Variants in RAB3C observed in about 807,000 individuals in gnomAD.
RAB3C encodes the protein RAB3C, member RAS oncogene family.
A neutral mutation model predicts 26.4 loss-of-function variants in RAB3C; 17 were observed. That is an observed-to-expected ratio of 0.64 (90% confidence interval 0.44 to 0.97). The LOEUF is 0.97. RAB3C is among the 50% of genes least tolerant of loss of function. The pLI is 0.00. For missense variants in RAB3C, 242 were observed against 281.9 expected, an observed-to-expected ratio of 0.86 and a Z score of 1.01; for synonymous variants, 91 against 95.9, an observed-to-expected ratio of 0.95 and a Z score of 0.30.
At chr5:58,629,288 A>G (rs908980536) in intron 2 of RAB3C, among the ~76,000 whole-genome samples, 6 of 152,038 alleles carry the variant, frequency 3.9e-5, no homozygotes, top group African/African-American at 1.5e-4. Context: ...GGAGGGTAGT[A>G]TAGACGCCCC....
chr5:58,672,227 A>C (rs560609893), intron 2 of RAB3C, among the ~76,000 whole-genome samples: 1 of 152,304 alleles, frequency 6.6e-6, no homozygotes, highest in African/African-American at 2.4e-5. Flanking sequence ...GGAAGGACCC[A>C]AGAACTGCAG....
chr5:58,586,402 G>C (rs926894398), intron 1 of RAB3C, among the ~76,000 whole-genome samples: 1 of 152,012 alleles, frequency 6.6e-6, no homozygotes, highest in African/African-American at 2.4e-5. Context: ...TAAAGAATGA[G>C]ACAACTATTG....
intron 2 of RAB3C, among the ~76,000 whole-genome samples, chr5:58,656,761 A>G (rs1747780864): frequency 6.6e-6 from 1 of 152,186 alleles, no homozygotes; most frequent in South Asian, 2.1e-4. Flanking sequence ...TCCCTTTAGA[A>G]TGAGTGGTCA....
chr5:58,723,821 A>C (rs1319417150), intron 2 of RAB3C, among the ~76,000 whole-genome samples: 1 of 151,844 alleles, frequency 6.6e-6, no homozygotes, highest in African/African-American at 2.4e-5. Flanking sequence ...GAGAGTCCAG[A>C]TTGATGTCAG....
At chr5:58,638,752 G>A (rs960946034) in intron 2 of RAB3C, among the ~76,000 whole-genome samples, 2 of 152,204 alleles carry the variant, frequency 1.3e-5, no homozygotes, top group African/African-American at 4.8e-5. Flanking sequence ...ATGGATCACT[G>A]TTAGAAGCTC....
chr5:58,620,496 G>A (rs978072485), intron 2 of RAB3C, among the ~76,000 whole-genome samples: 2 of 152,178 alleles, frequency 1.3e-5, no homozygotes, highest in Non-Finnish European at 2.9e-5. Flanking sequence ...GGATAATTAT[G>A]TACTTCTATA....
Position 58,853,083 on chromosome 5 carries a change from TCAG to T in RAB3C, c.*1733_*1735del, listed in dbSNP as rs1249586341. 1 of 152,206 alleles carries T rather than the reference TCAG, an allele frequency of 6.6e-6. No individual in the cohort carries two copies. Among genetic ancestry groups the T allele is most frequent in the Non-Finnish European group, 1.5e-5 (1 of 68,036 alleles). 9.4% of individuals were successfully genotyped at this position (152,206 alleles called of 1,614,324 possible). A position where few individuals can be genotyped will look rare whatever the true frequency, so the allele number is the denominator to read the frequency against. On this transcript the variant is annotated 3_prime_UTR_variant, in exon 5 of 5. Coordinates refer to ENST00000282878, the MANE Select transcript of RAB3C (RefSeq NM_138453.4). Reference sequence around the variant, plus strand: ...ACCTTCCTAGTTGAAGATCCACTAATCAGTAGTACATTTCTACTTTGGTGCCCT... The same window carrying T: ...ACCTTCCTAGTTGAAGATCCACTAATTAGTACATTTCTACTTTGGTGCCCT...
At chr5:58,767,915 T>C (rs1446116720) in intron 3 of RAB3C, among the ~76,000 whole-genome samples, 1 of 151,894 alleles carries the variant, frequency 6.6e-6, no homozygotes, top group Non-Finnish European at 1.5e-5. Context: ...TGTGATAGAG[T>C]GTCCAAGAGG....
chr5:58,623,942 G>T (rs965683146), intron 2 of RAB3C, among the ~76,000 whole-genome samples: 1 of 152,028 alleles, frequency 6.6e-6, no homozygotes, highest in Non-Finnish European at 1.5e-5. Flanking sequence ...TTTATGTAGT[G>T]GGGGGAAATA....
intron 2 of RAB3C, among the ~76,000 whole-genome samples, chr5:58,657,806 T>C (rs1747814277): frequency 6.6e-6 from 1 of 151,946 alleles, no homozygotes; most frequent in African/African-American, 2.4e-5. Context: ...CTTAGTTTTA[T>C]CCCCCCTAAA....
chr5:58,739,840 A>G (rs1196173085), intron 3 of RAB3C, among the ~76,000 whole-genome samples: 1 of 152,214 alleles, frequency 6.6e-6, no homozygotes, highest in African/African-American at 2.4e-5. Context: ...ATTGTATCCT[A>G]CAACCTAATT....
intron 2 of RAB3C, 70 bp downstream of exon 2, chr5:58,617,940 CTT>C: frequency 1.0e-6 from 1 of 964,660 alleles, no homozygotes; most frequent in Admixed American, 2.3e-5. Context: ...AAGGGAGAAA[CTT>C]TCTGCCTTGT....
intron 3 of RAB3C, among the ~76,000 whole-genome samples, chr5:58,779,224 CCTGA>C (rs1461130507): frequency 2.0e-5 from 3 of 151,896 alleles, no homozygotes; most frequent in Admixed American, 1.3e-4. Context: ...GCTTTTCACC[CCTGA>C]CTGTCTTAAC....
intron 4 of RAB3C, among the ~76,000 whole-genome samples, chr5:58,838,210 C>A (rs1425870798): frequency 6.6e-6 from 1 of 152,052 alleles, no homozygotes; most frequent in Non-Finnish European, 1.5e-5. Flanking sequence ...GAAACCCCGT[C>A]TCTACTAAAA....
chr5:58,628,482 C>T (rs1413926765), intron 2 of RAB3C, among the ~76,000 whole-genome samples: 2 of 152,154 alleles, frequency 1.3e-5, no homozygotes, highest in African/African-American at 2.4e-5. Context: ...AAGGACATTA[C>T]ATTAGAGCCT....
At chr5:58,627,946 A>G (rs1028718728) in intron 2 of RAB3C, among the ~76,000 whole-genome samples, 1 of 152,136 alleles carries the variant, frequency 6.6e-6, no homozygotes, top group Admixed American at 6.5e-5. Flanking sequence ...TCACGAGGTC[A>G]GGAGATTGAG....
intron 3 of RAB3C, among the ~76,000 whole-genome samples, chr5:58,791,631 T>C (rs1742524080): frequency 6.6e-6 from 1 of 152,242 alleles, no homozygotes; most frequent in Admixed American, 6.5e-5. Flanking sequence ...TCTAAGAAGC[T>C]ACTTAATCTA....
intron 1 of RAB3C, among the ~76,000 whole-genome samples, chr5:58,591,265 G>A (rs1746122648): frequency 6.6e-6 from 1 of 152,094 alleles, no homozygotes; most frequent in African/African-American, 2.4e-5. Context: ...ATTGTGTGGT[G>A]TTGCTAAGAC....
rs149339538 is a variant in RAB3C, at chr5:58,702,549, G to A, written c.253-23453G>A. Among the ~76,000 whole-genome samples the A allele has an allele frequency of 3.4e-3, 516 of 151,564 alleles. 1 individual carries two copies. The highest frequency in any genetic ancestry group is 0.012 in the African/African-American group (494 of 41,222). ...ATTGTCTCTGTTATAGCACTTGCCAGGTAGTCTCTCATTCTCCTTTCTCTC... is the reference window on the plus strand; with the variant it reads ...ATTGTCTCTGTTATAGCACTTGCCAAGTAGTCTCTCATTCTCCTTTCTCTC... On this transcript the variant is annotated intron_variant, in intron 2 of 4. Transcript: ENST00000282878.
Sources: gnomAD v4.1 joint callset for allele counts (sites outside exome capture counted in the v4.1 genomes callset) on GRCh38, gnomAD v4.1.1 for gene constraint, MANE v1.5 for transcripts, NCBI Gene and HGNC (gene_info 2026-07-23, HGNC 2026-07-21) for gene names.